ZNF804A: variants seen among roughly 807,000 people sequenced by gnomAD.
ZNF804A encodes zinc finger protein 804A.
A neutral mutation model predicts 16.5 loss-of-function variants in ZNF804A; 2 were observed. The observed-to-expected ratio is 0.12, with a 90% CI of 0.05 to 0.38. The LOEUF is 0.38. Ranked by LOEUF, ZNF804A falls within the 10% of genes least tolerant of loss-of-function variation. The pLI, the probability that ZNF804A is intolerant of heterozygous loss-of-function variation, is 0.99. For synonymous variants in ZNF804A, 534 were observed against 489.6 expected (o/e 1.09, Z -1.20); for missense variants, 1,473 against 1,390.7 (o/e 1.06, Z -0.94).
intron 1 of ZNF804A, among the ~76,000 whole-genome samples, chr2:184,636,032 C>T (rs1361484630): frequency 6.6e-6 from 1 of 152,054 alleles, no homozygotes; most frequent in African/African-American, 2.4e-5. Context: ...ATAATTCTAA[C>T]ATGGATTATG....
intron 1 of ZNF804A, among the ~76,000 whole-genome samples, chr2:184,662,146 G>A (rs914477587): frequency 2.0e-5 from 3 of 151,984 alleles, no homozygotes; most frequent in African/African-American, 7.3e-5. Context: ...AAAAATCCAG[G>A]GAATGTATCT....
Position 184,641,702 on chromosome 2 carries a change from G to A in ZNF804A, c.111+42632G>A, listed in dbSNP as rs538156609. ...TGTTTCTTAAATATTAAAGCTTTGT[G>A]ACTTTGCCAGGAAAGTTTCCAACAT... On this transcript the variant is annotated intron_variant, in intron 1 of 3. Coordinates refer to ENST00000302277, the MANE Select transcript of ZNF804A (RefSeq NM_194250.2). 2.6e-5 allele frequency among the ~76,000 whole-genome samples: 4 copies of A among 152,214 alleles called. No homozygotes were observed. The South Asian group carries it at 8.3e-4, about 32-fold the overall frequency.
At chr2:184,616,488 A>G (rs6715977) in intron 1 of ZNF804A, among the ~76,000 whole-genome samples, 18,998 of 152,186 alleles carry the variant, frequency 0.12, 1,267 homozygotes, top group Middle Eastern at 0.23. Context: ...TCTGGCATAT[A>G]ATAAAAGCTA....
rs986778269 is a variant in ZNF804A, at chr2:184,826,858, C to T, written c.112-39511C>T. 3.9e-5 allele frequency among the ~76,000 whole-genome samples: 6 copies of T among 151,980 alleles called. No homozygotes were observed. The East Asian group carries it at 5.8e-4, about 15-fold the overall frequency. The stretch of plus-strand genomic sequence containing the variant: ...AAACAAATTTTTGAAAAATGACAAA[C>T]GGCATGACCTAGGAAACAGTTAAGT... On this transcript the variant is annotated intron_variant, in intron 1 of 3. Transcript: ENST00000302277.
At chr2:184,825,585 A>C (rs529922645) in intron 1 of ZNF804A, among the ~76,000 whole-genome samples, 14 of 152,154 alleles carry the variant, frequency 9.2e-5, no homozygotes, top group African/African-American at 3.4e-4. Context: ...TATATCTCAA[A>C]ATGCTCATAG....
At position 184,604,146 on chromosome 2, in the gene ZNF804A, C is replaced by CT. The variant is rs759053144; in HGVS notation, c.111+5117dup. ...TTCAGGTTATGGATGACTGCAATTACTTTTTTTTTTTTTTTTTTTTTTTTT... is the reference window on the plus strand; with the variant it reads ...TTCAGGTTATGGATGACTGCAATTACTTTTTTTTTTTTTTTTTTTTTTTTTT... On this transcript the variant is annotated intron_variant, in intron 1 of 3. Coordinates refer to ENST00000302277, the MANE Select transcript of ZNF804A (RefSeq NM_194250.2). Among the ~76,000 whole-genome samples the CT allele has an allele frequency of 3.6e-3, 161 of 44,890 alleles. 52 individuals carry two copies. The highest frequency in any genetic ancestry group is 0.013 in the East Asian group (16 of 1,190). 29.4% of individuals were successfully genotyped at this position (44,890 alleles called of 152,430 possible).
intron 1 of ZNF804A, among the ~76,000 whole-genome samples, chr2:184,654,771 A>G (rs1692047974): frequency 6.6e-6 from 1 of 152,212 alleles, no homozygotes; most frequent in South Asian, 2.1e-4. Flanking sequence ...CATCATGGTC[A>G]TCATGTTAAG....
intron 1 of ZNF804A, among the ~76,000 whole-genome samples, chr2:184,746,048 G>A (rs763627058): frequency 2.6e-5 from 4 of 151,110 alleles, no homozygotes; most frequent in East Asian, 1.9e-4. Flanking sequence ...CAAAAAGCAC[G>A]CATTTTTTTT....
At chr2:184,869,177 T>C (rs1251175334) in intron 2 of ZNF804A, among the ~76,000 whole-genome samples, 1 of 151,952 alleles carries the variant, frequency 6.6e-6, no homozygotes, top group Non-Finnish European at 1.5e-5. Context: ...GTTCCAGCAT[T>C]TCAGATAAGG....
intron 1 of ZNF804A, among the ~76,000 whole-genome samples, chr2:184,773,164 T>C (rs1694242782): frequency 1.3e-5 from 2 of 151,572 alleles, no homozygotes; most frequent in South Asian, 4.2e-4. Flanking sequence ...TATTTTATAA[T>C]GGATTAGCTT....
chr2:184,683,868 T>C (rs1212972483), intron 1 of ZNF804A, among the ~76,000 whole-genome samples: 1 of 152,228 alleles, frequency 6.6e-6, no homozygotes, highest in African/African-American at 2.4e-5. Context: ...TTCTATTTAA[T>C]GCTTTAATAA....
chr2:184,771,598 T>C (rs1464899659), intron 1 of ZNF804A, among the ~76,000 whole-genome samples: 1 of 138,506 alleles, frequency 7.2e-6, no homozygotes, highest in Non-Finnish European at 1.6e-5. Context: ...AATTTTAAAA[T>C]AAAAAAAAAA....
intron 2 of ZNF804A, among the ~76,000 whole-genome samples, chr2:184,922,515 G>T (rs1009200893): frequency 1.3e-5 from 2 of 151,874 alleles, no homozygotes; most frequent in Admixed American, 6.6e-5. Flanking sequence ...TGTCAGATGG[G>T]TAGTTTGCAA....
rs1167340911 is a variant in ZNF804A at position 184,773,903 on chromosome 2, T to G, written c.112-92466T>G. On this transcript the variant is annotated intron_variant, in intron 1 of 3. Coordinates refer to ENST00000302277, the MANE Select transcript of ZNF804A (RefSeq NM_194250.2). The stretch of plus-strand genomic sequence containing the variant: ...AAAACACCATATTGAAGTTTAGTAT[T>G]AAGTGTTAATGTAAAGTCAGGAGAC... Among the ~76,000 whole-genome samples the G allele has an allele frequency of 2.6e-5, 4 of 152,048 alleles. No individual in the cohort carries two copies. The East Asian group carries it at 7.8e-4, about 30-fold the overall frequency.
intron 1 of ZNF804A, among the ~76,000 whole-genome samples, chr2:184,791,478 T>C (rs1694539813): frequency 6.6e-6 from 1 of 152,150 alleles, no homozygotes; most frequent in Admixed American, 6.6e-5. Context: ...AGGCTAATAA[T>C]AAGCTCCCAA....
chr2:184,701,458 C>A (rs1251291667), intron 1 of ZNF804A, among the ~76,000 whole-genome samples: 3 of 151,764 alleles, frequency 2.0e-5, no homozygotes, highest in African/African-American at 7.2e-5. Flanking sequence ...ATGTTTTAGT[C>A]ATTTTATAAC....
intron 1 of ZNF804A, among the ~76,000 whole-genome samples, chr2:184,842,561 A>T (rs1340041252): frequency 6.6e-6 from 1 of 151,930 alleles, no homozygotes; most frequent in Admixed American, 6.6e-5. Flanking sequence ...GAAATAGTAG[A>T]ACTAGTATAA....
chr2:184,895,635 A>G (rs748380734), intron 2 of ZNF804A, among the ~76,000 whole-genome samples: 1 of 152,242 alleles, frequency 6.6e-6, no homozygotes, highest in East Asian at 1.9e-4. Flanking sequence ...AAGGCTCTCA[A>G]GTCACTTAAT....
chr2:184,669,298 T>C (rs926728124), intron 1 of ZNF804A, among the ~76,000 whole-genome samples: 3 of 152,184 alleles, frequency 2.0e-5, no homozygotes, highest in Non-Finnish European at 2.9e-5. Context: ...ATAAAGTACT[T>C]CATACAAGTG....
Sources: gnomAD v4.1 joint callset for allele counts (sites outside exome capture counted in the v4.1 genomes callset) on GRCh38, gnomAD v4.1.1 for gene constraint, MANE v1.5 for transcripts, NCBI Gene and HGNC (gene_info 2026-07-23, HGNC 2026-07-21) for gene names.